TNRC6A: variants seen among roughly 807,000 people sequenced by gnomAD.
TNRC6A encodes the protein trinucleotide repeat containing adaptor 6A.
A neutral mutation model predicts 221.2 loss-of-function variants in TNRC6A; 44 were observed. The ratio of observed to expected loss-of-function variants is 0.20; its 90% confidence interval spans 0.16 to 0.26. TNRC6A has a LOEUF of 0.26. TNRC6A is among the 10% of genes least tolerant of loss of function. The pLI, the probability that TNRC6A is intolerant of heterozygous loss-of-function variation, is 1.00. For synonymous variants in TNRC6A, 847 were observed against 838.5 expected (o/e 1.01, Z -0.18); for missense variants, 2,199 against 2,404.4 (o/e 0.91, Z 1.79).
At chr16:24,804,537 C>T (rs1482487243) in intron 12 of TNRC6A, 168 bp from the exon 13 acceptor site, 1 of 1,184,624 alleles carries the variant, frequency 8.4e-7, no homozygotes, top group Admixed American at 2.8e-5. Flanking sequence ...ATATGTTTGG[C>T]TCTTTTTGTG....
upstream of TNRC6A, among the ~76,000 whole-genome samples, chr16:24,728,385 T>TGCGGTGAACGGAGATCGCG (rs1436780958): frequency 2.0e-5 from 3 of 151,730 alleles, no homozygotes; most frequent in Admixed American, 6.6e-5. Context: ...AGGCGGAGGT[T>TGCGGTGAACGGAGATCGCG]GCGGTGAACG....
intron 2 of TNRC6A, among the ~76,000 whole-genome samples, chr16:24,694,116 A>G (rs999920005): frequency 1.3e-5 from 2 of 152,152 alleles, no homozygotes; most frequent in African/African-American, 2.4e-5. Flanking sequence ...AGGACTAGAA[A>G]TGAGCCAGAG....
chr16:24,780,985 C>T (rs951790865), intron 5 of TNRC6A, among the ~76,000 whole-genome samples: 10 of 147,618 alleles, frequency 6.8e-5, no homozygotes, highest in African/African-American at 2.3e-4. Context: ...TCCCCTTGGA[C>T]GATAAACAAA....
At position 24,791,725 on chromosome 16, in the gene TNRC6A, A is replaced by G. The variant is rs142384745; in HGVS notation, c.3083A>G (p.Asn1028Ser). 4.3e-6 allele frequency: 7 copies of G among 1,613,486 alleles called. No individual in the cohort carries two copies. The highest frequency in any genetic ancestry group is 5.9e-6 in the Non-Finnish European group (7 of 1,179,774). ...NVNMWNKNVP[N>S]GNSRSDQQAQ... ...AACATGTGGAACAAAAACGTCCCAA[A>G]TGGCAACAGCCGTTCAGACCAGCAA... Residue 1028 changes from asparagine (N) to serine (S), a missense_variant, in exon 6 of 25, where the codon AAT (asparagine) becomes AGT (serine). Physicochemically the swap from Asn to Ser is conservative, Grantham distance 46 (BLOSUM62 1). Transcript: ENST00000395799.
intron 2 of TNRC6A, among the ~76,000 whole-genome samples, chr16:24,740,350 G>A (rs991559100): frequency 2.6e-5 from 4 of 152,186 alleles, no homozygotes; most frequent in African/African-American, 9.6e-5. Context: ...CAAAAAGGCA[G>A]CTGAGATTTT....
chr16:24,794,867 A>T (rs1464414334), intron 8 of TNRC6A, 148 bp downstream of exon 8: 1 of 591,926 alleles, frequency 1.7e-6, no homozygotes, highest in Non-Finnish European at 2.8e-6. Context: ...ATGGGCAGCC[A>T]CCTAGAGAAA....
chr16:24,801,340 A>C (rs1299953905), intron 11 of TNRC6A, among the ~76,000 whole-genome samples: 2 of 152,182 alleles, frequency 1.3e-5, no homozygotes, highest in African/African-American at 4.8e-5. Flanking sequence ...AAGTGAGTAC[A>C]GAGTTTTGAA....
At chr16:24,665,022 T>A (rs1350747056) in intron 2 of TNRC6A, 1 of 455,758 alleles carries the variant, frequency 2.2e-6, no homozygotes, top group Admixed American at 2.4e-5. Context: ...GTGGAGAGGC[T>A]GATCTGATGA....
chr16:24,717,244 C>T (rs2056331016), intron 2 of TNRC6A, among the ~76,000 whole-genome samples: 2 of 152,226 alleles, frequency 1.3e-5, no homozygotes, highest in Non-Finnish European at 2.9e-5. Flanking sequence ...GTCACTGTAC[C>T]TGGCCTCATT....
chr16:24,656,156 A>T (rs989441642), intron 2 of TNRC6A, among the ~76,000 whole-genome samples: 1 of 148,630 alleles, frequency 6.7e-6, no homozygotes, highest in Non-Finnish European at 1.5e-5. Flanking sequence ...AAAAAAAAAA[A>T]GAAAAGAAAA....
At chr16:24,721,699 C>G (rs1412750866) in intron 2 of TNRC6A, among the ~76,000 whole-genome samples, 2 of 152,004 alleles carry the variant, frequency 1.3e-5, no homozygotes, top group East Asian at 1.9e-4. Context: ...CCCAGCTACT[C>G]GTGAGGCTGA....
rs532087566 is a variant in TNRC6A, at chr16:24,617,102, A to G, written n.276+6618A>G. On this transcript the variant is annotated intron_variant and non_coding_transcript_variant, in intron 1 of 2. Transcript: ENST00000566108. ...TTTAACTGTAATTATAGATTTATCTATTAGTTTTTTTGAGCATCTTTTTTT... is the reference window on the plus strand; with the variant it reads ...TTTAACTGTAATTATAGATTTATCTGTTAGTTTTTTTGAGCATCTTTTTTT... Among the ~76,000 whole-genome samples, 28 of 151,076 alleles carry G rather than the reference A, an allele frequency of 1.9e-4. No individual in the cohort carries two copies. In the East Asian group the frequency reaches 2.3e-3, roughly 13 times the overall value.
chr16:24,707,337 G>T (rs1249207450), intron 2 of TNRC6A, among the ~76,000 whole-genome samples: 1 of 118,212 alleles, frequency 8.5e-6, no homozygotes, highest in African/African-American at 3.7e-5. Context: ...CAGGATGAAA[G>T]GGGAACATGG....
Position 24,653,633 on chromosome 16 carries a change from A to T in TNRC6A, n.402+12624A>T, listed in dbSNP as rs202246841. On this transcript the variant is annotated intron_variant and non_coding_transcript_variant, in intron 2 of 2. Coordinates refer to the TNRC6A transcript ENST00000566108. Reference sequence around the variant, plus strand: ...TCTACTAAAAATACAAAAATTAGGCAGGCAGGCATGGTGGCGCACACCTGT... The same window carrying T: ...TCTACTAAAAATACAAAAATTAGGCTGGCAGGCATGGTGGCGCACACCTGT... Among the ~76,000 whole-genome samples, 3 of 152,190 alleles carry T rather than the reference A, an allele frequency of 2.0e-5. No individual in the cohort carries two copies. In the East Asian group the frequency reaches 5.8e-4, roughly 29 times the overall value.
intron 2 of TNRC6A, among the ~76,000 whole-genome samples, chr16:24,734,822 T>C (rs189996067): frequency 3.9e-5 from 6 of 152,352 alleles, no homozygotes; most frequent in African/African-American, 1.4e-4. Context: ...GTGTTTTGTT[T>C]AAAGTAGAAG....
At chr16:24,809,241 G>T in intron 17 of TNRC6A, 109 bp from the exon 18 acceptor site, 1 of 985,792 alleles carries the variant, frequency 1.0e-6, no homozygotes, top group South Asian at 3.6e-5. Context: ...TAACAGTTAT[G>T]TGGTTTGAAA....
chr16:24,811,225 T>TG (rs1237410439), intron 18 of TNRC6A, among the ~76,000 whole-genome samples: 3 of 152,190 alleles, frequency 2.0e-5, no homozygotes, highest in Non-Finnish European at 4.4e-5. Flanking sequence ...AGCTGCACAC[T>TG]GCACACCTAC....
intron 4 of TNRC6A, among the ~76,000 whole-genome samples, chr16:24,772,339 G>A (rs1410948412): frequency 1.3e-5 from 2 of 152,168 alleles, no homozygotes; most frequent in African/African-American, 4.8e-5. Context: ...ATTAGATTTA[G>A]AGATACGTGT....
At chr16:24,617,840 G>A (rs1410685281) in intron 1 of TNRC6A, among the ~76,000 whole-genome samples, 1 of 152,176 alleles carries the variant, frequency 6.6e-6, no homozygotes, top group East Asian at 1.9e-4. Flanking sequence ...CAGTTCTGGA[G>A]ATGTGTAGAA....
Sources: allele counts gnomAD v4.1 joint callset (sites outside exome capture counted in the v4.1 genomes callset), GRCh38; gene constraint gnomAD v4.1.1; transcripts MANE v1.5; gene names NCBI Gene and HGNC (gene_info 2026-07-23, HGNC 2026-07-21).